Variants in TRABD2B observed in about 807,000 individuals in gnomAD.
TRABD2B encodes the protein TraB domain containing 2B.
In TRABD2B, 14 loss-of-function variants were observed where a neutral mutation model predicts 40.1. The ratio of observed to expected loss-of-function variants is 0.35; its 90% CI spans 0.23 to 0.55. The LOEUF (loss-of-function observed/expected upper bound fraction) is 0.55. Among genes scored for constraint, TRABD2B ranks in the 20% least tolerant of loss-of-function variants. The probability of loss-of-function intolerance (pLI) is 0.90; values close to 1 mark genes in which losing one functional copy is unlikely to be tolerated. For missense variants in TRABD2B, 541 were observed against 648.6 expected (o/e 0.83, Z 1.80); for synonymous variants, 263 against 277.0 (o/e 0.95, Z 0.50).
chr1:47,934,341 C>T (rs1645077897), intron 2 of TRABD2B, among the ~76,000 whole-genome samples: 1 of 152,228 alleles, frequency 6.6e-6, no homozygotes, highest in Admixed American at 6.5e-5. Context: ...TCCCACACCC[C>T]CTCCCACAGT....
chr1:47,907,764 C>T (rs1053910139), intron 2 of TRABD2B, among the ~76,000 whole-genome samples: 1 of 152,214 alleles, frequency 6.6e-6, no homozygotes, highest in African/African-American at 2.4e-5. Flanking sequence ...AAAACCCTCA[C>T]AGTGTTTCCT....
chr1:47,804,420 G>C (rs1300191106), intron 2 of TRABD2B, among the ~76,000 whole-genome samples: 1 of 152,016 alleles, frequency 6.6e-6, no homozygotes, highest in Non-Finnish European at 1.5e-5. Context: ...TCCTTCCCTG[G>C]GGGCCTGGGA....
At chr1:47,791,795 G>GCGTT (rs1239098887) in intron 4 of TRABD2B, among the ~76,000 whole-genome samples, 2 of 152,216 alleles carry the variant, frequency 1.3e-5, no homozygotes, top group Non-Finnish European at 2.9e-5. Context: ...TCATGCGGAT[G>GCGTT]CGTTCCATGT....
intron 2 of TRABD2B, among the ~76,000 whole-genome samples, chr1:47,957,625 T>A (rs568678581): frequency 6.6e-6 from 1 of 152,128 alleles, no homozygotes; most frequent in South Asian, 2.1e-4. Flanking sequence ...TGATTGAAGA[T>A]CAAATGAATT....
chr1:47,955,424 A>C (rs1239866381), intron 2 of TRABD2B, among the ~76,000 whole-genome samples: 1 of 152,152 alleles, frequency 6.6e-6, no homozygotes, highest in African/African-American at 2.4e-5. Flanking sequence ...AACTCTGACT[A>C]TAACTGTCTG....
At chr1:47,978,320 G>A (rs891630263) in intron 2 of TRABD2B, among the ~76,000 whole-genome samples, 1 of 152,176 alleles carries the variant, frequency 6.6e-6, no homozygotes, top group Non-Finnish European at 1.5e-5. Flanking sequence ...CCAGAACTGT[G>A]AGAAATAGAT....
At chr1:47,909,280 G>A (rs1399626834) in intron 2 of TRABD2B, among the ~76,000 whole-genome samples, 2 of 152,156 alleles carry the variant, frequency 1.3e-5, no homozygotes, top group African/African-American at 4.8e-5. Flanking sequence ...TCATGGTTCT[G>A]CAAGCATTAC....
chr1:47,841,287 G>A (rs536770932), intron 2 of TRABD2B, among the ~76,000 whole-genome samples: 1 of 152,264 alleles, frequency 6.6e-6, no homozygotes, highest in South Asian at 2.1e-4. Context: ...TGCCTTACCT[G>A]TCTTGTCTCC....
intron 2 of TRABD2B, among the ~76,000 whole-genome samples, chr1:47,850,682 A>T (rs1343735550): frequency 6.6e-6 from 1 of 152,090 alleles, no homozygotes; most frequent in Non-Finnish European, 1.5e-5. Flanking sequence ...GCTGCCTGGC[A>T]CCACTAAGAA....
chr1:47,783,830 T>G (rs989403986), intron 4 of TRABD2B, among the ~76,000 whole-genome samples: 8 of 152,180 alleles, frequency 5.3e-5, no homozygotes, highest in African/African-American at 1.9e-4. Context: ...GTTGATCCTC[T>G]GACATGGGAA....
At chr1:47,975,295 A>C (rs1645740164) in intron 2 of TRABD2B, among the ~76,000 whole-genome samples, 1 of 152,204 alleles carries the variant, frequency 6.6e-6, no homozygotes, top group Non-Finnish European at 1.5e-5. Context: ...ACTGTTCTAA[A>C]ATTAAAAGTT....
intron 2 of TRABD2B, among the ~76,000 whole-genome samples, chr1:47,937,250 C>T (rs1206097789): frequency 6.6e-6 from 1 of 151,762 alleles, no homozygotes; most frequent in Non-Finnish European, 1.5e-5. Context: ...CCATGATCAT[C>T]ACCATCACCA....
At position 47,904,358 on chromosome 1, in the gene TRABD2B, G is replaced by A. The variant is rs567826737; in HGVS notation, c.666+89676C>T. Among the ~76,000 whole-genome samples, 15 of 152,296 alleles carry A rather than the reference G, an allele frequency of 9.8e-5. No homozygotes were observed. The South Asian group carries it at 3.1e-3, about 32-fold the overall frequency. On this transcript the variant is annotated intron_variant, in intron 2 of 6. Coordinates refer to ENST00000606738, the MANE Select transcript of TRABD2B (RefSeq NM_001194986.2). ...GGCTGAGAAGCAGGCAGGAGAAATC[G>A]AGTTTAGATTTTACTCAGTAGGTGA...
chr1:47,929,658 G>T lies in TRABD2B; in HGVS notation c.666+64376C>A, dbSNP rs550670009. 1.0e-3 allele frequency among the ~76,000 whole-genome samples: 152 copies of T among 152,276 alleles called. 1 individual carries two copies. The Middle Eastern group carries it at 0.01, about 10-fold the overall frequency. On this transcript the variant is annotated intron_variant, in intron 2 of 6. Coordinates refer to ENST00000606738, the MANE Select transcript of TRABD2B (RefSeq NM_001194986.2). ...ATCTGGCTAGACTGCACTCCCAGGG[G>T]TCGGCCTTCACTTTGCATGCTCAGA...
chr1:47,794,795 T>C, intron 3 of TRABD2B, 35 bp from the exon 4 acceptor site: 1 of 1,415,240 alleles, frequency 7.1e-7, no homozygotes, highest in South Asian at 1.5e-5. Flanking sequence ...CTTCAGTTTT[T>C]TTTTTTTTTT....
chr1:47,942,709 T>G (rs1645204225), intron 2 of TRABD2B, among the ~76,000 whole-genome samples: 1 of 152,206 alleles, frequency 6.6e-6, no homozygotes, highest in Non-Finnish European at 1.5e-5. Context: ...TTTAAACTCT[T>G]TATGCATATT....
chr1:47,775,647 G>A (rs1034278984), intron 5 of TRABD2B, among the ~76,000 whole-genome samples: 6 of 152,168 alleles, frequency 3.9e-5, no homozygotes, highest in African/African-American at 1.4e-4. Context: ...TTTAGTCGAC[G>A]GATATTTACT....
At chr1:47,803,319 A>C (rs551020571) in intron 2 of TRABD2B, among the ~76,000 whole-genome samples, 2 of 152,350 alleles carry the variant, frequency 1.3e-5, no homozygotes, top group Non-Finnish European at 2.9e-5. Flanking sequence ...TCCTTCAGCC[A>C]AGGGGATGCT....
At chr1:47,984,224 G>GCGCGC (rs930906749) in intron 2 of TRABD2B, among the ~76,000 whole-genome samples, 4 of 152,234 alleles carry the variant, frequency 2.6e-5, no homozygotes, top group African/African-American at 9.6e-5. Flanking sequence ...AGGGCTGGCC[G>GCGCGC]CGCGCCGCGC....
Sources: allele counts gnomAD v4.1 joint callset (sites outside exome capture counted in the v4.1 genomes callset), GRCh38; gene constraint gnomAD v4.1.1; transcripts MANE v1.5; gene names NCBI Gene and HGNC (gene_info 2026-07-23, HGNC 2026-07-21).